RASEF: variants seen among roughly 807,000 people sequenced by gnomAD.
RASEF encodes RAS and EF-hand domain containing, also known as ras and EF-hand domain-containing protein.
Under a neutral mutation model 90.1 loss-of-function variants are expected in RASEF, and 68 were observed. The observed-to-expected ratio is 0.75, with a 90% CI of 0.62 to 0.92. RASEF has a LOEUF of 0.92. RASEF is among the 40% of genes least tolerant of loss of function. RASEF has a pLI of 0.00. For missense variants in RASEF, 949 were observed against 937.2 expected (o/e 1.01, Z -0.16); for synonymous variants, 331 against 345.2 (o/e 0.96, Z 0.46).
chr9:83,214,192 C>T, the RASEF span, among the ~76,000 whole-genome samples: 1 of 152,130 alleles, frequency 6.6e-6, no homozygotes, highest in African/African-American at 2.4e-5. Context: ...TCAAGGCCAG[C>T]CTGGCCAACG....
intron 16 of RASEF, among the ~76,000 whole-genome samples, chr9:82,990,091 T>C (rs767263637): frequency 6.6e-6 from 1 of 152,236 alleles, no homozygotes; most frequent in Non-Finnish European, 1.5e-5. Context: ...GTCCCTTGTG[T>C]ATAAAATCTG....
chr9:83,019,813 G>C (rs73467588), intron 3 of RASEF, among the ~76,000 whole-genome samples: 4,519 of 152,268 alleles, frequency 0.03, 207 homozygotes, highest in African/African-American at 0.1. Context: ...AAACGCCAGA[G>C]AAGAAATAGC....
chr9:83,198,360 C>G, the RASEF span, among the ~76,000 whole-genome samples: 4 of 152,180 alleles, frequency 2.6e-5, no homozygotes, highest in South Asian at 8.3e-4. Context: ...CTAAAAACTG[C>G]AATGGCAACA....
chr9:83,028,289 G>A (rs1012169477), intron 1 of RASEF, among the ~76,000 whole-genome samples: 12 of 152,110 alleles, frequency 7.9e-5, no homozygotes, highest in Admixed American at 2.6e-4. Flanking sequence ...TTTCTCCCCT[G>A]ACAATGCACA....
At chr9:83,047,589 A>G (rs911925336) in intron 1 of RASEF, among the ~76,000 whole-genome samples, 5 of 152,222 alleles carry the variant, frequency 3.3e-5, no homozygotes, top group African/African-American at 9.6e-5. Flanking sequence ...ATCCCAATGC[A>G]TTCACAGCTT....
the RASEF span, among the ~76,000 whole-genome samples, chr9:83,190,053 C>T: frequency 1.5e-3 from 228 of 152,222 alleles, 1 homozygote; most frequent in African/African-American, 4.9e-3. Context: ...CCCTGCAGTC[C>T]GGATTAATTA....
At chr9:83,095,552 G>C in the RASEF span, among the ~76,000 whole-genome samples, 8 of 150,972 alleles carry the variant, frequency 5.3e-5, no homozygotes, top group African/African-American at 2.0e-4. Context: ...AATTGCTTAA[G>C]TAAACAATTA....
the RASEF span, among the ~76,000 whole-genome samples, chr9:83,129,999 CA>C: frequency 6.6e-6 from 1 of 152,274 alleles, no homozygotes; most frequent in Non-Finnish European, 1.5e-5. Context: ...ATGGTGTGAC[CA>C]AATGCTTTAA....
intron 16 of RASEF, among the ~76,000 whole-genome samples, chr9:82,988,352 A>C (rs1828748400): frequency 1.3e-5 from 2 of 152,208 alleles, no homozygotes; most frequent in African/African-American, 2.4e-5. Flanking sequence ...ATATTAGTCC[A>C]TGATTCTCCT....
chr9:83,172,709 T>G, the RASEF span, among the ~76,000 whole-genome samples: 1 of 151,976 alleles, frequency 6.6e-6, no homozygotes, highest in Non-Finnish European at 1.5e-5. Flanking sequence ...TCTTTTTATA[T>G]TGTCTATCTC....
chr9:83,175,476 A>C, the RASEF span, among the ~76,000 whole-genome samples: 2 of 152,108 alleles, frequency 1.3e-5, no homozygotes, highest in East Asian at 3.9e-4. Flanking sequence ...GTAGTGTATA[A>C]TCCTTTATAT....
intron 1 of RASEF, among the ~76,000 whole-genome samples, chr9:83,049,529 C>CT (rs10687615): frequency 0.045 from 4,457 of 99,038 alleles, 126 homozygotes; most frequent in South Asian, 0.061. Flanking sequence ...TTCTGCCTTC[C>CT]TTTTTTTTTT....
the RASEF span, among the ~76,000 whole-genome samples, chr9:83,169,838 G>T: frequency 2.6e-5 from 4 of 151,814 alleles, no homozygotes; most frequent in Non-Finnish European, 5.9e-5. Flanking sequence ...ATATATTCTG[G>T]TTACTAGTCC....
chr9:82,996,015 T>C (rs1457807706), intron 14 of RASEF, among the ~76,000 whole-genome samples: 1 of 152,204 alleles, frequency 6.6e-6, no homozygotes, highest in Non-Finnish European at 1.5e-5. Context: ...GTAAACACAC[T>C]TTCACTGTGT....
the RASEF span, among the ~76,000 whole-genome samples, chr9:83,116,219 G>T: frequency 6.6e-6 from 1 of 152,168 alleles, no homozygotes; most frequent in African/African-American, 2.4e-5. Flanking sequence ...TTTAAGAAAT[G>T]TTGGCTTTCT....
In RASEF at chr9:82,998,717, C is replaced by T. The variant is rs112693788; in HGVS notation, c.1724-271G>A. On this transcript the variant is annotated intron_variant, in intron 12 of 16. Transcript: ENST00000376447. Reference sequence around the variant, plus strand: ...AAATCTGTTTTATTTTCCCTGATGACTGGATGAACTCAGTCATATTTGTGT... The same window carrying T: ...AAATCTGTTTTATTTTCCCTGATGATTGGATGAACTCAGTCATATTTGTGT... 5.2e-3 allele frequency among the ~76,000 whole-genome samples: 786 copies of T among 151,988 alleles called. 10 individuals carry two copies. Among genetic ancestry groups the T allele is most frequent in the African/African-American group, 0.018 (730 of 41,422 alleles).
At chr9:83,144,412 G>GAAAGAAAGAAAGAAAGAAAGAAAGAAAGA in the RASEF span, among the ~76,000 whole-genome samples, 71 of 122,866 alleles carry the variant, frequency 5.8e-4, 1 homozygote, top group Middle Eastern at 3.8e-3. Flanking sequence ...AAGAAAGAAA[G>GAAAGAAAGAAAGAAAGAAAGAAAGAAAGA]AAAGAAAAGA....
At chr9:83,134,227 T>A in the RASEF span, among the ~76,000 whole-genome samples, 2 of 152,122 alleles carry the variant, frequency 1.3e-5, no homozygotes, top group Non-Finnish European at 2.9e-5. Context: ...GTGGTTTTAC[T>A]GTACTTTCAC....
intron 1 of RASEF, among the ~76,000 whole-genome samples, chr9:83,029,560 T>C (rs1341640345): frequency 8.3e-5 from 2 of 24,112 alleles, no homozygotes; most frequent in Non-Finnish European, 1.5e-4. Flanking sequence ...ACCAAACTAA[T>C]TTTTTTTTTT....
Sources: allele counts gnomAD v4.1 joint callset (sites outside exome capture counted in the v4.1 genomes callset), GRCh38; gene constraint gnomAD v4.1.1; transcripts MANE v1.5; gene names NCBI Gene and HGNC (gene_info 2026-07-23, HGNC 2026-07-21).